Variants in MGAT5B observed in about 807,000 individuals in gnomAD.
The protein encoded by MGAT5B is N-acetylglucosaminyl-transferase Vb.
A neutral mutation model predicts 95.1 loss-of-function variants in MGAT5B; 54 were observed. The observed-to-expected ratio is 0.57, with a 90% CI of 0.46 to 0.71. The LOEUF (loss-of-function observed/expected upper bound fraction) is 0.71. MGAT5B is among the 30% of genes least tolerant of loss of function. The pLI is 0.00. For missense variants in MGAT5B, 935 were observed against 1,088.6 expected (o/e 0.86, Z 1.99); for synonymous variants, 464 against 451.0 (o/e 1.03, Z -0.36).
intron 10 of MGAT5B, among the ~76,000 whole-genome samples, chr17:76,932,121 T>TCTCC (rs1969509651): frequency 1.2e-5 from 1 of 85,928 alleles, no homozygotes; most frequent in African/African-American, 4.1e-5. Flanking sequence ...TTCGTCTTCT[T>TCTCC]TGTCTTCTCC....
intron 2 of MGAT5B, among the ~76,000 whole-genome samples, chr17:76,880,258 G>A (rs1282092062): frequency 1.3e-5 from 2 of 152,062 alleles, no homozygotes; most frequent in African/African-American, 2.4e-5. Context: ...TAAGGAAATC[G>A]CAGCTTCTCC....
At chr17:76,910,346 G>A (rs1046006271) in intron 8 of MGAT5B, among the ~76,000 whole-genome samples, 14 of 152,232 alleles carry the variant, frequency 9.2e-5, no homozygotes, top group Admixed American at 3.3e-4. Context: ...GGAGCAGAAC[G>A]CTGCAGAGGC....
At chr17:76,877,929 T>C (rs1282167550) in intron 2 of MGAT5B, among the ~76,000 whole-genome samples, 1 of 151,358 alleles carries the variant, frequency 6.6e-6, no homozygotes, top group Non-Finnish European at 1.5e-5. Context: ...CGTCTGTAAA[T>C]GAGAGGATCT....
chr17:76,927,736 G>A (rs1345752415), intron 10 of MGAT5B, among the ~76,000 whole-genome samples: 2 of 152,228 alleles, frequency 1.3e-5, no homozygotes, highest in African/African-American at 2.4e-5. Flanking sequence ...TTCACGCTGC[G>A]CTCTTCCACC....
intron 2 of MGAT5B, among the ~76,000 whole-genome samples, chr17:76,875,790 A>G (rs963703290): frequency 2.4e-4 from 37 of 151,056 alleles, no homozygotes; most frequent in African/African-American, 8.3e-4. Context: ...GCTGCTATGA[A>G]TATTTCAGTG....
At chr17:76,932,225 T>A (rs986889914) in intron 10 of MGAT5B, among the ~76,000 whole-genome samples, 2 of 151,786 alleles carry the variant, frequency 1.3e-5, no homozygotes, top group African/African-American at 4.8e-5. Context: ...CTTGAACTAG[T>A]GGGCTCAAGC....
At position 76,875,653 on chromosome 17, in the gene MGAT5B, C is replaced by CTTTTT. The variant is rs547158669; in HGVS notation, c.181+2711_181+2715dup. 9.7e-3 allele frequency among the ~76,000 whole-genome samples: 650 copies of CTTTTT among 67,066 alleles called. 20 individuals carry two copies. The highest frequency in any genetic ancestry group is 0.01 in the African/African-American group (158 of 15,068). 44.0% of individuals were successfully genotyped at this position (67,066 alleles called of 152,430 possible). On this transcript the variant is annotated intron_variant, in intron 2 of 17. Coordinates refer to ENST00000569840, the MANE Select transcript of MGAT5B (RefSeq NM_001199172.2). ...TTGTATGCGGTTGTAGTCACTTGCA[C>CTTTTT]TTTTTTTTTTTTTTTTTTTTTTTTT...
Position 76,940,560 on chromosome 17 carries a change from G to C in MGAT5B, c.1731+12G>C. Reference sequence around the variant, plus strand: ...CCACCTCCAGAGAGGTGAGTGGAAAGCATCCTGGTCCCCGATCAGGAGGGG... The same window carrying C: ...CCACCTCCAGAGAGGTGAGTGGAAACCATCCTGGTCCCCGATCAGGAGGGG... On this transcript the variant is annotated intron_variant, in intron 14 of 17. Coordinates refer to ENST00000569840, the MANE Select transcript of MGAT5B (RefSeq NM_001199172.2). This position sits in a 1 kb window ranked among gnomAD's most constrained non-coding sequence, Gnocchi z 4.3. 6.2e-7 allele frequency: 1 copy of C among 1,602,914 alleles called. No homozygotes were observed. The highest frequency in any genetic ancestry group is 8.5e-7 in the Non-Finnish European group (1 of 1,172,386).
At position 76,915,263 on chromosome 17, in the gene MGAT5B, G is replaced by A. The variant is rs1968885520; in HGVS notation, c.1025+9076G>A. ...GGGAGGGTCCCAGGAGGAGGGACAG[G>A]GACAGCTCTTCTGCCCTGAGAGGAG... is the stretch of plus-strand genomic sequence containing the variant. On this transcript the variant is annotated intron_variant, in intron 8 of 17. Coordinates refer to ENST00000569840, the MANE Select transcript of MGAT5B (RefSeq NM_001199172.2). The surrounding 1 kb of genome is among the most constrained non-coding windows in gnomAD (Gnocchi z 8.7). Among the ~76,000 whole-genome samples, 1 of 151,904 alleles carries A rather than the reference G, an allele frequency of 6.6e-6. No individual in the cohort carries two copies. The highest frequency in any genetic ancestry group is 1.9e-4 in the East Asian group (1 of 5,160).
chr17:76,928,852 G>T (rs943417419), intron 10 of MGAT5B, among the ~76,000 whole-genome samples: 7 of 151,276 alleles, frequency 4.6e-5, no homozygotes, highest in Non-Finnish European at 1.0e-4. Flanking sequence ...ACCACTGAAG[G>T]TTCTTCAGCT....
In MGAT5B at chr17:76,939,512, C is replaced by CAAA. The variant is rs10668702; in HGVS notation, c.1585-888_1585-886dup. 2.6e-5 allele frequency among the ~76,000 whole-genome samples: 4 copies of CAAA among 151,344 alleles called. No individual in the cohort carries two copies. In the East Asian group the frequency reaches 7.8e-4, roughly 29 times the overall value. ...CTGGTGACAGAGCAAGACTCCGTCT[C>CAAA]AAAATTTTTTTTCAACTTTTATTTT... On this transcript the variant is annotated intron_variant, in intron 13 of 17. Coordinates refer to ENST00000569840, the MANE Select transcript of MGAT5B (RefSeq NM_001199172.2).
intron 8 of MGAT5B, chr17:76,923,862 G>A (rs1317545734): frequency 2.0e-5 from 3 of 152,260 alleles, no homozygotes; most frequent in Non-Finnish European, 4.4e-5. Context: ...GGTTCTGCAT[G>A]CATTCTGAGC....
chr17:76,868,641 G>T lies in MGAT5B; in HGVS notation c.-389G>T. 1 of 147,984 alleles carries T rather than the reference G, an allele frequency of 6.8e-6. No individual in the cohort carries two copies. The highest frequency in any genetic ancestry group is 2.1e-4 in the South Asian group (1 of 4,840). The allele number at this position is 147,984 out of a possible 1,614,324, so 9.2% of individuals were successfully genotyped here. ...CGGGGCCGCCTTTAGCCGGCACCGA[G>T]GGCGCGGGGCCGGGGATGAGGGCGC... On this transcript the variant is annotated 5_prime_UTR_variant, in exon 1 of 18. In the 5' UTR this introduces an upstream ATG that the reference lacks. Transcript: ENST00000569840. This position sits in a 1 kb window ranked among gnomAD's most constrained non-coding sequence, Gnocchi z 6.3.
chr17:76,920,245 G>T (rs1413148467), intron 8 of MGAT5B, among the ~76,000 whole-genome samples: 1 of 152,146 alleles, frequency 6.6e-6, no homozygotes, highest in Non-Finnish European at 1.5e-5. Flanking sequence ...TATCTGTGGG[G>T]GCTGCTGAAC....
intron 8 of MGAT5B, among the ~76,000 whole-genome samples, chr17:76,907,537 C>T (rs1968577201): frequency 6.6e-6 from 1 of 152,146 alleles, no homozygotes; most frequent in South Asian, 2.1e-4. Flanking sequence ...TTGCATGTAG[C>T]TTTATTTCAT....
intron 3 of MGAT5B, among the ~76,000 whole-genome samples, chr17:76,892,311 G>A (rs988750465): frequency 6.6e-6 from 1 of 152,266 alleles, no homozygotes; most frequent in Admixed American, 6.5e-5. Flanking sequence ...GCCTCCCAAA[G>A]TGTTGGGATT....
In MGAT5B at chr17:76,899,228, G is replaced by A. The variant is rs116550841; in HGVS notation, c.330-3327G>A. Among the ~76,000 whole-genome samples, 1,476 of 152,278 alleles carry A rather than the reference G, an allele frequency of 9.7e-3. 24 individuals carry two copies. The highest frequency in any genetic ancestry group is 0.033 in the African/African-American group (1,375 of 41,550). The stretch of plus-strand genomic sequence containing the variant: ...GGTCTCTGGTTAGAAGGTAGGACAG[G>A]CGCCCAGTTTTTCTCCATTTTGCGT... On this transcript the variant is annotated intron_variant, in intron 3 of 17. Transcript: ENST00000569840.
intron 3 of MGAT5B, among the ~76,000 whole-genome samples, chr17:76,897,667 T>TTCTTTCTTTCTC (rs1968117667): frequency 1.5e-5 from 1 of 66,510 alleles, no homozygotes; most frequent in Admixed American, 1.7e-4. Flanking sequence ...GCCACTTTCT[T>TTCTTTCTTTCTC]TCTTTCTTTC....
chr17:76,879,145 C>T (rs1281850919), intron 2 of MGAT5B, among the ~76,000 whole-genome samples: 1 of 152,032 alleles, frequency 6.6e-6, no homozygotes, highest in African/African-American at 2.4e-5. Context: ...GGACTGGGAG[C>T]GTGGGGTGTG....
Sources: gnomAD v4.1 joint callset for allele counts (sites outside exome capture counted in the v4.1 genomes callset) on GRCh38, gnomAD v4.1.1 for gene constraint, Gnocchi (gnomAD v3.1) non-coding constraint, MANE v1.5 for transcripts, NCBI Gene and HGNC (gene_info 2026-07-23, HGNC 2026-07-21) for gene names.